CDKAL1: variants seen among roughly 807,000 people sequenced by gnomAD.
CDKAL1 encodes CDKAL1 threonylcarbamoyladenosine tRNA methylthiotransferase.
CDKAL1 carries 32 observed loss-of-function variants against 68.2 expected under a neutral mutation model. The ratio of observed to expected loss-of-function variants is 0.47; its 90% CI spans 0.35 to 0.63. The LOEUF is 0.63. CDKAL1 is among the 30% of genes least tolerant of loss of function. The pLI is 0.00. For synonymous variants in CDKAL1, 234 were observed against 244.3 expected (o/e 0.96, Z 0.39); for missense variants, 606 against 696.7 (o/e 0.87, Z 1.47).
At chr6:20,988,477 C>T (rs1266856185) in intron 10 of CDKAL1, among the ~76,000 whole-genome samples, 5 of 152,032 alleles carry the variant, frequency 3.3e-5, no homozygotes, top group Non-Finnish European at 4.4e-5. Flanking sequence ...ATAGTAAAAT[C>T]GCCTCCAAAA....
chr6:20,938,706 T>A (rs1269688140), intron 9 of CDKAL1, among the ~76,000 whole-genome samples: 1 of 152,194 alleles, frequency 6.6e-6, no homozygotes, highest in Non-Finnish European at 1.5e-5. Context: ...ATATAAAAGA[T>A]GATAAATTAG....
intron 9 of CDKAL1, among the ~76,000 whole-genome samples, chr6:20,916,754 A>G (rs1438232549): frequency 6.6e-6 from 1 of 152,208 alleles, no homozygotes; most frequent in Admixed American, 6.5e-5. Flanking sequence ...CAAAAAGGCT[A>G]TCACTAAGCA....
intron 9 of CDKAL1, among the ~76,000 whole-genome samples, chr6:20,911,930 T>A (rs539183422): frequency 1.5e-4 from 23 of 152,286 alleles, no homozygotes; most frequent in Middle Eastern, 3.4e-3. Context: ...AGATTTATTA[T>A]TTTTATTGGG....
intron 4 of CDKAL1, among the ~76,000 whole-genome samples, chr6:20,632,914 C>G (rs952336753): frequency 5.3e-5 from 8 of 152,110 alleles, no homozygotes; most frequent in Admixed American, 5.2e-4. Context: ...GTGACGTGTA[C>G]ACTGCTCTAT....
At chr6:20,992,942 A>G (rs566956131) in intron 10 of CDKAL1, among the ~76,000 whole-genome samples, 4 of 152,256 alleles carry the variant, frequency 2.6e-5, no homozygotes, top group Admixed American at 6.5e-5. Context: ...AGATGTTACA[A>G]TATGGTTAAC....
chr6:20,791,588 C>T (rs781161915), intron 8 of CDKAL1, among the ~76,000 whole-genome samples: 4 of 152,190 alleles, frequency 2.6e-5, no homozygotes, highest in South Asian at 2.1e-4. Flanking sequence ...ACATGCCGTA[C>T]GCAGCAGAGT....
chr6:20,781,993 C>A (rs1427450643), intron 8 of CDKAL1, among the ~76,000 whole-genome samples: 2 of 152,226 alleles, frequency 1.3e-5, no homozygotes, highest in South Asian at 2.1e-4. Context: ...CCTTTTACTT[C>A]ATCCTCCTTC....
chr6:21,121,114 A>G (rs1774688515), intron 13 of CDKAL1, among the ~76,000 whole-genome samples: 1 of 152,166 alleles, frequency 6.6e-6, no homozygotes, highest in Non-Finnish European at 1.5e-5. Context: ...CCTGCTATAC[A>G]CCATGTCAAC....
chr6:20,810,392 TCACACACACACACACACACA>T (rs59104508), intron 8 of CDKAL1, among the ~76,000 whole-genome samples: 1,423 of 115,632 alleles, frequency 0.012, 37 homozygotes, highest in African/African-American at 0.039. Flanking sequence ...TCTCTCTCTG[TCACACACACACACACACACA>T]CACACACACA....
At chr6:20,762,345 G>C (rs1219474558) in intron 7 of CDKAL1, among the ~76,000 whole-genome samples, 2 of 152,196 alleles carry the variant, frequency 1.3e-5, no homozygotes, top group Non-Finnish European at 2.9e-5. Flanking sequence ...AGGATGGGAA[G>C]TTTGATAATT....
chr6:20,994,380 G>A (rs951875754), intron 10 of CDKAL1, among the ~76,000 whole-genome samples: 2 of 152,204 alleles, frequency 1.3e-5, no homozygotes, highest in Admixed American at 6.5e-5. Flanking sequence ...TCAGGAGGCT[G>A]AGGCAAGAGA....
chr6:21,189,628 C>T lies in CDKAL1; in HGVS notation c.1300-8393C>T, dbSNP rs113218304. On this transcript the variant is annotated intron_variant, in intron 13 of 15. Transcript: ENST00000274695. ...AAATTGATGGCTAGCATTTTGAATACGATGGACTTAAAGGCTCATTACTTG... is the reference window on the plus strand; with the variant it reads ...AAATTGATGGCTAGCATTTTGAATATGATGGACTTAAAGGCTCATTACTTG... 5.1e-3 allele frequency among the ~76,000 whole-genome samples: 770 copies of T among 152,258 alleles called. 4 individuals are homozygous for T. The highest frequency in any genetic ancestry group is 0.016 in the African/African-American group (655 of 41,550).
In CDKAL1 at chr6:21,063,178, G is replaced by A. The variant is rs188610235; in HGVS notation, c.1056-1870G>A. 3.1e-3 allele frequency among the ~76,000 whole-genome samples: 467 copies of A among 152,314 alleles called. 4 individuals carry two copies. Among genetic ancestry groups the A allele is most frequent in the Non-Finnish European group, 4.1e-3 (280 of 68,032 alleles). The stretch of plus-strand genomic sequence containing the variant: ...GATCCACCCACCTTGGCCTCCCAGA[G>A]TGCTGGGATTACAGGCATGATCCAC... On this transcript the variant is annotated intron_variant, in intron 11 of 15. Coordinates refer to ENST00000274695, the MANE Select transcript of CDKAL1 (RefSeq NM_017774.3).
chr6:20,777,575 A>C (rs1247294779), intron 7 of CDKAL1, among the ~76,000 whole-genome samples: 1 of 152,222 alleles, frequency 6.6e-6, no homozygotes, highest in Non-Finnish European at 1.5e-5. Flanking sequence ...TGATTGTGCC[A>C]CTGCACTCCG....
chr6:20,972,576 C>T (rs950372011), intron 10 of CDKAL1, among the ~76,000 whole-genome samples: 5 of 152,156 alleles, frequency 3.3e-5, no homozygotes, highest in African/African-American at 9.7e-5. Context: ...CCAGCCTAGC[C>T]CACGTTCCTA....
intron 9 of CDKAL1, among the ~76,000 whole-genome samples, chr6:20,925,117 A>G (rs1763128972): frequency 6.6e-6 from 1 of 152,208 alleles, no homozygotes; most frequent in African/African-American, 2.4e-5. Context: ...ACCTTCACCA[A>G]CCACCACCTT....
intron 10 of CDKAL1, among the ~76,000 whole-genome samples, chr6:20,983,741 C>T (rs1766284732): frequency 1.3e-5 from 2 of 152,076 alleles, no homozygotes; most frequent in South Asian, 2.1e-4. Context: ...CAAAAAGCTA[C>T]ATAATATATA....
At chr6:21,104,020 C>T (rs1327322133) in intron 12 of CDKAL1, among the ~76,000 whole-genome samples, 2 of 152,146 alleles carry the variant, frequency 1.3e-5, no homozygotes, top group Non-Finnish European at 2.9e-5. Context: ...GAAACTGGCT[C>T]ACTAGTAATA....
At chr6:21,173,954 T>G (rs1292114166) in intron 13 of CDKAL1, among the ~76,000 whole-genome samples, 1 of 151,996 alleles carries the variant, frequency 6.6e-6, no homozygotes, top group Non-Finnish European at 1.5e-5. Flanking sequence ...CAACTGTAGT[T>G]CCAGCTACGG....
Sources: gnomAD v4.1 joint callset for allele counts (sites outside exome capture counted in the v4.1 genomes callset) on GRCh38, gnomAD v4.1.1 for gene constraint, MANE v1.5 for transcripts, NCBI Gene and HGNC (gene_info 2026-07-23, HGNC 2026-07-21) for gene names.